Variants in SVEP1 observed in about 807,000 individuals in gnomAD.
The protein encoded by SVEP1 is sushi, von Willebrand factor type A, EGF and pentraxin domain containing 1.
Under a neutral mutation model 367.3 loss-of-function variants are expected in SVEP1, and 164 were observed. The ratio of observed to expected loss-of-function variants is 0.45; its 90% CI spans 0.39 to 0.51. The LOEUF (loss-of-function observed/expected upper bound fraction) is 0.51. Among genes scored for constraint, SVEP1 ranks in the 20% least tolerant of loss-of-function variants. The pLI is 0.00. For missense variants in SVEP1, 4,117 were observed against 4,425.3 expected, an observed-to-expected ratio of 0.93 and a Z score of 1.98; for synonymous variants, 1,666 against 1,611.6, an observed-to-expected ratio of 1.03 and a Z score of -0.81.
rs1413062934 is a variant in SVEP1 at position 110,369,960 on chromosome 9, G to A, written c.10657C>T (p.His3553Tyr). The A allele has an allele frequency of 6.2e-7, 1 of 1,613,330 alleles. No individual in the cohort carries two copies. Among genetic ancestry groups the A allele is most frequent in the Admixed American group, 1.7e-5 (1 of 59,908 alleles). The change falls in exon 47 of 48, where the codon CAC (histidine) becomes TAC (tyrosine). Residue 3553 changes from histidine to tyrosine, a missense_variant. By Grantham distance (83) the His-to-Tyr change is moderately conservative (BLOSUM62 2). Around this residue, in one of 4 missense-constraint regions of SVEP1, gnomAD observed 1,765 missense variants for 1,781.1 expected, o/e 0.99. Coordinates refer to ENST00000374469, the MANE Select transcript of SVEP1 (RefSeq NM_153366.4). ...TGTCCCGTCCAAGAAGAAAGACAGTGACATCGGTTTGGTCTTACACATTTT... is the reference window on the plus strand; with the variant it reads ...TGTCCCGTCCAAGAAGAAAGACAGTAACATCGGTTTGGTCTTACACATTTT... ...GGKCVRPNRC[H>Y]CLSSWTGHNC... is the part of the protein sequence containing the mutation.
chr9:110,477,071 C>T (rs1299119121), intron 13 of SVEP1, among the ~76,000 whole-genome samples: 2 of 152,168 alleles, frequency 1.3e-5, no homozygotes, highest in Non-Finnish European at 2.9e-5. Flanking sequence ...GCAAACTCTT[C>T]CATCTCCTTG....
chr9:110,514,873 T>C (rs1459121083), intron 3 of SVEP1, among the ~76,000 whole-genome samples: 1 of 152,146 alleles, frequency 6.6e-6, no homozygotes, highest in Non-Finnish European at 1.5e-5. Flanking sequence ...GGAGAATAAC[T>C]GCAGATACGC....
At chr9:110,432,376 T>C (rs540950693) in intron 31 of SVEP1, 86 bp downstream of exon 31, 2 of 1,479,192 alleles carry the variant, frequency 1.4e-6, no homozygotes. Context: ...AACAAAGCAA[T>C]GCCTCAAGAA....
At chr9:110,398,781 A>G (rs539983566) in intron 40 of SVEP1, among the ~76,000 whole-genome samples, 1 of 152,372 alleles carries the variant, frequency 6.6e-6, no homozygotes, top group Admixed American at 6.5e-5. Context: ...AATGCAAATC[A>G]AAACCACAAT....
intron 24 of SVEP1, among the ~76,000 whole-genome samples, chr9:110,448,137 G>A (rs1399001177): frequency 1.4e-5 from 1 of 70,372 alleles, no homozygotes; most frequent in Non-Finnish European, 2.8e-5. Context: ...GAATGTGTGT[G>A]TGTGTGTGTG....
At chr9:110,494,581 T>A (rs1257483138) in intron 8 of SVEP1, among the ~76,000 whole-genome samples, 2 of 152,208 alleles carry the variant, frequency 1.3e-5, no homozygotes, top group Non-Finnish European at 2.9e-5. Context: ...TAATTTAGCA[T>A]CTTACTTTTC....
At chr9:110,508,512 G>A (rs1014707194) in intron 5 of SVEP1, among the ~76,000 whole-genome samples, 6 of 151,916 alleles carry the variant, frequency 3.9e-5, no homozygotes, top group South Asian at 2.1e-4. Flanking sequence ...CTGTAATCCC[G>A]GCACTTTGGG....
Position 110,430,258 on chromosome 9 carries a change from A to G in SVEP1, c.5530+16T>C. 6.2e-7 allele frequency: 1 copy of G among 1,603,674 alleles called. No homozygotes were observed. The highest frequency in any genetic ancestry group is 1.1e-5 in the South Asian group (1 of 89,572). ...ATTGCCAAACATAAGAAACGTGGTA[A>G]ATTTACTAAACATACCTTTACAATA... On this transcript the variant is annotated intron_variant, in intron 33 of 47. Transcript: ENST00000374469.
intron 3 of SVEP1, among the ~76,000 whole-genome samples, chr9:110,542,965 TA>T (rs1554722331): frequency 5.9e-4 from 84 of 141,658 alleles, no homozygotes; most frequent in African/African-American, 1.8e-3. Flanking sequence ...AAAGTATAAT[TA>T]AAAAAAAATA....
intron 16 of SVEP1, among the ~76,000 whole-genome samples, chr9:110,469,864 G>C (rs4978932): frequency 0.15 from 23,006 of 152,132 alleles, 2,340 homozygotes; most frequent in East Asian, 0.44. Context: ...CGCTCAACGT[G>C]ATTCCTAATT....
chr9:110,556,385 G>A (rs1931309), intron 1 of SVEP1, among the ~76,000 whole-genome samples: 12,803 of 152,196 alleles, frequency 0.084, 770 homozygotes, highest in East Asian at 0.31. Context: ...ATTAAACTAC[G>A]TGCCGATATC....
At chr9:110,463,082 T>C (rs896711047) in intron 18 of SVEP1, among the ~76,000 whole-genome samples, 1 of 152,046 alleles carries the variant, frequency 6.6e-6, no homozygotes, top group African/African-American at 2.4e-5. Flanking sequence ...ATAAATCAGT[T>C]TCCTAAGATG....
rs759034045 is a variant in SVEP1, at chr9:110,427,639, C to G, written c.5927G>C (p.Gly1976Ala). The change falls in exon 36 of 48, where the codon GGG (glycine) becomes GCG (alanine). Residue 1976 changes from glycine (G) to alanine (A), a missense_variant. By Grantham distance (60) the Gly-to-Ala change is moderately conservative. Around this residue, in one of 4 missense-constraint regions of SVEP1, gnomAD observed 2,174 missense variants for 2,494.3 expected, o/e 0.87. Transcript: ENST00000374469. ...PPAIKDAVIT[G>A]NNFTFRNTVT... Reference sequence around the variant, plus strand: ...GGTGTTCCTGAAAGTGAAGTTATTCCCCGTAATGACAGCATCTTTGATGGC... The same window carrying G: ...GGTGTTCCTGAAAGTGAAGTTATTCGCCGTAATGACAGCATCTTTGATGGC... 6.2e-7 allele frequency: 1 copy of G among 1,613,702 alleles called. No homozygotes were observed. The highest frequency in any genetic ancestry group is 8.5e-7 in the Non-Finnish European group (1 of 1,179,844).
chr9:110,383,379 CGCACCT>C lies in SVEP1; in HGVS notation c.10237+2513_10237+2518del, dbSNP rs1827469988. ...CACTCCAGACCCTATTTGCCTGGGT[CGCACCT>C]GCACCTGAAGGTGTTACCAGCGGAC... On this transcript the variant is annotated intron_variant, in intron 43 of 47. Transcript: ENST00000374469. Among the ~76,000 whole-genome samples, 5 of 152,238 alleles carry C rather than the reference CGCACCT, an allele frequency of 3.3e-5. No homozygotes were observed. In the South Asian group the frequency reaches 1.0e-3, roughly 32 times the overall value.
intron 38 of SVEP1, 128 bp downstream of exon 38, chr9:110,406,029 TAAA>T: frequency 8.5e-7 from 1 of 1,178,308 alleles, no homozygotes; most frequent in Non-Finnish European, 1.1e-6. Context: ...AGCCAAGTGT[TAAA>T]AGCACCAGTG....
In SVEP1 at chr9:110,400,854, C is replaced by T. The variant is rs533693824; in HGVS notation, c.9822G>A (p.Glu3274=). 4 of 1,610,444 alleles carry T rather than the reference C, an allele frequency of 2.5e-6. No homozygotes were observed. Among genetic ancestry groups the T allele is most frequent in the African/African-American group, 2.7e-5 (2 of 74,856 alleles). Residue 3274 remains glutamate, a splice_region_variant and synonymous_variant, in exon 40 of 48, where the codon GAG becomes GAA. Transcript: ENST00000374469. ...IYQCEPGYEL[E]GNRERVCQEN... ...CTAGTTAAACAATTTGTTCGCTTAC[C>T]TCTAGTTCATAGCCAGGCTCACACT...
intron 5 of SVEP1, among the ~76,000 whole-genome samples, chr9:110,509,513 C>A (rs927170662): frequency 1.3e-5 from 2 of 152,164 alleles, no homozygotes; most frequent in African/African-American, 4.8e-5. Flanking sequence ...TAAAAGAGAA[C>A]AAGCATGCTT....
At chr9:110,575,368 C>T (rs1296258609) in intron 1 of SVEP1, among the ~76,000 whole-genome samples, 1 of 152,164 alleles carries the variant, frequency 6.6e-6, no homozygotes, top group African/African-American at 2.4e-5. Flanking sequence ...CCAAGCCAAA[C>T]AGAGGAGCTG....
chr9:110,465,683 A>T (rs1218913252), intron 18 of SVEP1, among the ~76,000 whole-genome samples, 182 bp downstream of exon 18: 1 of 152,216 alleles, frequency 6.6e-6, no homozygotes, highest in Non-Finnish European at 1.5e-5. Context: ...GCAGGTATTT[A>T]TACCTAAGTG....
Sources: allele counts gnomAD v4.1 joint callset (sites outside exome capture counted in the v4.1 genomes callset), GRCh38; gene constraint gnomAD v4.1.1; regional missense constraint gnomAD v4.1.1; transcripts MANE v1.5; gene names NCBI Gene and HGNC (gene_info 2026-07-23, HGNC 2026-07-21).